Variants in NPC1L1 observed in about 807,000 individuals in gnomAD.
NPC1L1 encodes NPC1-like intracellular cholesterol transporter 1.
Under a neutral mutation model 117.0 loss-of-function variants are expected in NPC1L1, and 98 were observed. That is an observed-to-expected ratio of 0.84 (90% CI 0.71 to 0.99). NPC1L1 has a LOEUF of 0.99. Among genes scored for constraint, NPC1L1 ranks in the 50% least tolerant of loss-of-function variants. The pLI is 0.00. For missense variants in NPC1L1, 1,540 were observed against 1,710.0 expected (o/e 0.90, Z 1.75); for synonymous variants, 729 against 727.6 (o/e 1.00, Z -0.03).
chr7:44,514,818 A>G (rs1257172308), intron 18 of NPC1L1, among the ~76,000 whole-genome samples: 1 of 152,090 alleles, frequency 6.6e-6, no homozygotes, highest in African/African-American at 2.4e-5. Flanking sequence ...CCTGCCCAAC[A>G]TGGTGAAACC....
Position 44,533,560 on chromosome 7 carries a change from T to G in NPC1L1, c.2282-2A>C. ...CAGCTGGCATGGGGGTCAGGGCCCC[T>G]GTGAGGGAGCAGAGGGCTGTCAGGG... On this transcript the variant is annotated splice_acceptor_variant, in intron 7 of 18. Coordinates refer to ENST00000381160, the MANE Select transcript of NPC1L1 (RefSeq NM_001101648.2). LOFTEE classifies it high-confidence loss of function. The G allele has an allele frequency of 6.2e-7, 1 of 1,614,122 alleles. No individual in the cohort carries two copies. Among genetic ancestry groups the G allele is most frequent in the Non-Finnish European group, 8.5e-7 (1 of 1,180,010 alleles).
chr7:44,520,716 T>C (rs376653308), intron 14 of NPC1L1, 49 bp downstream of exon 14: 11 of 1,566,354 alleles, frequency 7.0e-6, no homozygotes, highest in Admixed American at 1.7e-5. Context: ...TCGGGGGCCC[T>C]CCAGAGCAAC....
Position 44,540,002 on chromosome 7 carries a change from T to G in NPC1L1, c.395A>C (p.Asn132Thr), listed in dbSNP as rs114690445. 1 of 1,614,042 alleles carries G rather than the reference T, an allele frequency of 6.2e-7. No individual in the cohort carries two copies. The highest frequency in any genetic ancestry group is 1.7e-5 in the Admixed American group (1 of 59,998). Reference protein sequence around the residue: ...NLHCHNTCSPNQSLFINVTRV... With the variant: ...NLHCHNTCSPTQSLFINVTRV... ...GGTCACATTGATGAAGAGGCTCTGATTGGGGCTGCACGTGTTGTGGCAGTG... is the reference window on the plus strand; with the variant it reads ...GGTCACATTGATGAAGAGGCTCTGAGTGGGGCTGCACGTGTTGTGGCAGTG... The change falls in exon 2 of 19, where the codon AAT becomes ACT. Residue 132 changes from asparagine (N) to threonine (T), a missense_variant. Around this residue, in one of 3 missense-constraint regions of NPC1L1, gnomAD observed 793 missense variants for 820.4 expected, o/e 0.97. Transcript: ENST00000381160.
In NPC1L1 at chr7:44,513,384, A is replaced by G; in HGVS notation, c.*63T>C. The G allele has an allele frequency of 2.0e-6, 3 of 1,510,030 alleles. No homozygotes were observed. The highest frequency in any genetic ancestry group is 2.8e-6 in the Non-Finnish European group (3 of 1,086,518). The allele number at this position is 1,510,030 out of a possible 1,614,324, so 93.5% of individuals were successfully genotyped here. ...AGGGCGTGTGTCAAGGGGCAGTCAC[A>G]AGGAAGATCCCCATAACCCTTTGGT... is the stretch of plus-strand genomic sequence containing the variant. On this transcript the variant is annotated 3_prime_UTR_variant, in exon 19 of 19. Transcript: ENST00000381160.
At chr7:44,527,104 C>T (rs752310103) in intron 10 of NPC1L1, among the ~76,000 whole-genome samples, 3 of 152,080 alleles carry the variant, frequency 2.0e-5, no homozygotes, top group Admixed American at 6.6e-5. Context: ...TGAAGGAATT[C>T]GTTATCACTA....
intron 2 of NPC1L1, among the ~76,000 whole-genome samples, chr7:44,537,606 C>A (rs943844197): frequency 1.3e-5 from 2 of 152,170 alleles, no homozygotes; most frequent in African/African-American, 4.8e-5. Flanking sequence ...AAGCTCTCTA[C>A]CCCCCTCTCT....
At chr7:44,535,364 C>CAAA (rs1203907892) in intron 5 of NPC1L1, among the ~76,000 whole-genome samples, 2 of 120,440 alleles carry the variant, frequency 1.7e-5, no homozygotes, top group Admixed American at 8.5e-5. Flanking sequence ...AGCTCTGTCT[C>CAAA]AAAAAAAAAA....
chr7:44,534,406 G>T lies in NPC1L1; in HGVS notation c.2166+41C>A. 6.2e-7 allele frequency: 1 copy of T among 1,606,504 alleles called. No individual in the cohort carries two copies. Among genetic ancestry groups the T allele is most frequent in the Non-Finnish European group, 8.5e-7 (1 of 1,173,154 alleles). On this transcript the variant is annotated intron_variant, in intron 6 of 18. Coordinates refer to ENST00000381160, the MANE Select transcript of NPC1L1 (RefSeq NM_001101648.2). The surrounding 1 kb of genome is among the most constrained non-coding windows in gnomAD (Gnocchi z 5.2). ...AGGCCAGGAGGTGAGGTTGGGAGAA[G>T]AGTGGGCAGTTGGGGGTGTGGAGAG...
intron 14 of NPC1L1, among the ~76,000 whole-genome samples, chr7:44,520,310 T>G (rs534200319): frequency 1.6e-4 from 25 of 152,194 alleles, no homozygotes; most frequent in African/African-American, 5.8e-4. Flanking sequence ...TCCCTACTGT[T>G]GCCTGGGCTG....
intron 14 of NPC1L1, among the ~76,000 whole-genome samples, chr7:44,519,326 C>T (rs1278811047): frequency 6.6e-6 from 1 of 152,116 alleles, no homozygotes; most frequent in Non-Finnish European, 1.5e-5. Flanking sequence ...GCAGACTTGC[C>T]CCCGGTTATG....
At chr7:44,529,110 A>AACACACACACACACACAC (rs59108479) in intron 10 of NPC1L1, among the ~76,000 whole-genome samples, 3 of 123,012 alleles carry the variant, frequency 2.4e-5, no homozygotes. Context: ...GAATGAATTA[A>AACACACACACACACACAC]ACACACACAC....
intron 18 of NPC1L1, among the ~76,000 whole-genome samples, chr7:44,513,955 C>T (rs1801114146): frequency 6.6e-6 from 1 of 152,074 alleles, no homozygotes; most frequent in Non-Finnish European, 1.5e-5. Context: ...TCATCCACCA[C>T]CCCCAGCGCA....
chr7:44,535,804 GC>G, intron 5 of NPC1L1, 35 bp downstream of exon 5: 1 of 1,611,794 alleles, frequency 6.2e-7, no homozygotes, highest in Non-Finnish European at 8.5e-7. Flanking sequence ...GGGGTCCTGG[GC>G]TAGCCCACTT....
At chr7:44,526,745 C>T (rs969878835) in intron 10 of NPC1L1, among the ~76,000 whole-genome samples, 9 of 151,858 alleles carry the variant, frequency 5.9e-5, no homozygotes, top group East Asian at 3.9e-4. Context: ...AAAAATGGGC[C>T]GGGCACAGTG....
Position 44,536,299 on chromosome 7 carries a change from T to C in NPC1L1, c.1811A>G (p.Gln604Arg). The C allele has an allele frequency of 1.9e-6, 3 of 1,614,212 alleles. No homozygotes were observed. Among genetic ancestry groups the C allele is most frequent in the South Asian group, 1.1e-5 (1 of 91,086 alleles). ...EAFLEEMRAFQRRMAGMFQVT... is the reference protein window; with the variant it reads ...EAFLEEMRAFRRRMAGMFQVT... ...CTGGAACATGCCAGCCATCCGACGC[T>C]GGAAGGCTCGCATTTCCTCTAAGAA... The change falls in exon 4 of 19, where the codon CAG becomes CGG. Residue 604 changes from glutamine to arginine, a missense_variant. Transcript: ENST00000381160. This position sits in a 1 kb window ranked among gnomAD's most constrained non-coding sequence, Gnocchi z 4.7.
Position 44,521,770 on chromosome 7 carries a change from G to A in NPC1L1, c.2895C>T (p.Ser965=). ...GGCCAGATATATAAAGGCGGCAGCAGGAGGACGGGGTCAGCCAGTCAATGA... is the reference window on the plus strand; with the variant it reads ...GGCCAGATATATAAAGGCGGCAGCAAGAGGACGGGGTCAGCCAGTCAATGA... ...DDFIDWLTPS[S]CCRLYISGPN... Residue 965 remains serine (S), a synonymous_variant, in exon 12 of 19, where the codon TCC becomes TCT. Transcript: ENST00000381160. The A allele has an allele frequency of 6.2e-7, 1 of 1,614,216 alleles. No homozygotes were observed. Among genetic ancestry groups the A allele is most frequent in the Non-Finnish European group, 8.5e-7 (1 of 1,180,046 alleles).
chr7:44,533,392 C>A, intron 8 of NPC1L1, 39 bp downstream of exon 8: 1 of 1,612,492 alleles, frequency 6.2e-7, no homozygotes. Context: ...GGTGGGAACC[C>A]AGGGGCAGGT....
rs1801164502 is a variant in NPC1L1 at position 44,515,802 on chromosome 7, C to T, written c.3796+1G>A. ...TGGTAGGAACAGGCCTGGGCACTCA[C>T]CCACGTAGCTGAGGATGACGGGCAG... On this transcript the variant is annotated splice_donor_variant, in intron 18 of 18. Transcript: ENST00000381160. LOFTEE classifies it high-confidence loss of function. 2 of 1,613,992 alleles carry T rather than the reference C, an allele frequency of 1.2e-6. No homozygotes were observed. The highest frequency in any genetic ancestry group is 1.7e-6 in the Non-Finnish European group (2 of 1,180,008).
At chr7:44,518,256 G>C (rs1252271522) in intron 14 of NPC1L1, among the ~76,000 whole-genome samples, 5 of 151,594 alleles carry the variant, frequency 3.3e-5, no homozygotes, top group Non-Finnish European at 5.9e-5. Context: ...TGCAACTTCT[G>C]CTTCCCGGGT....
Sources: allele counts gnomAD v4.1 joint callset (sites outside exome capture counted in the v4.1 genomes callset), GRCh38; gene constraint gnomAD v4.1.1; regional missense constraint gnomAD v4.1.1; non-coding constraint Gnocchi (gnomAD v3.1); transcripts MANE v1.5; gene names NCBI Gene and HGNC (gene_info 2026-07-23, HGNC 2026-07-21).